STXBP5L: variants seen among roughly 807,000 people sequenced by gnomAD.
STXBP5L encodes syntaxin-binding protein 5-like.
A neutral mutation model predicts 144.5 loss-of-function variants in STXBP5L; 65 were observed. The observed-to-expected ratio is 0.45, with a 90% CI of 0.37 to 0.55. STXBP5L has a LOEUF of 0.55. Among genes scored for constraint, STXBP5L ranks in the 20% least tolerant of loss-of-function variants. The probability of loss-of-function intolerance (pLI) is 0.00; values close to 1 mark genes in which losing one functional copy is unlikely to be tolerated. For synonymous variants in STXBP5L, 505 were observed against 469.6 expected (o/e 1.08, Z -0.97); for missense variants, 1,298 against 1,405.5 (o/e 0.92, Z 1.22).
At chr3:121,190,876 C>T (rs1207354779) in intron 9 of STXBP5L, among the ~76,000 whole-genome samples, 68 of 151,012 alleles carry the variant, frequency 4.5e-4, no homozygotes, top group Middle Eastern at 3.3e-3. Context: ...GGCGGCGGGG[C>T]AGAGACACTC....
chr3:120,970,254 A>C (rs566290760), intron 3 of STXBP5L, among the ~76,000 whole-genome samples: 1 of 152,120 alleles, frequency 6.6e-6, no homozygotes, highest in Admixed American at 6.5e-5. Flanking sequence ...GAATATTCTG[A>C]ATTAGTCTTT....
intron 20 of STXBP5L, among the ~76,000 whole-genome samples, chr3:121,323,786 T>C (rs2044055369): frequency 6.6e-6 from 1 of 152,182 alleles, no homozygotes; most frequent in Non-Finnish European, 1.5e-5. Flanking sequence ...CTGTACAGCT[T>C]GACCTCCCAA....
chr3:121,004,248 C>G (rs1944058906), intron 3 of STXBP5L, among the ~76,000 whole-genome samples: 1 of 151,662 alleles, frequency 6.6e-6, no homozygotes. Context: ...TGTAGCTCTC[C>G]TTGAAGAGGT....
At chr3:121,047,886 A>G (rs1413847893) in intron 5 of STXBP5L, among the ~76,000 whole-genome samples, 1 of 152,100 alleles carries the variant, frequency 6.6e-6, no homozygotes, top group Non-Finnish European at 1.5e-5. Context: ...TGATCCTTTC[A>G]TCATGTTTCT....
chr3:120,951,850 G>A (rs1399904233), intron 2 of STXBP5L, among the ~76,000 whole-genome samples: 1 of 152,056 alleles, frequency 6.6e-6, no homozygotes, highest in Non-Finnish European at 1.5e-5. Context: ...AAAGACACAT[G>A]CACACGTATG....
chr3:121,098,997 T>G (rs1016448763), intron 5 of STXBP5L: 1 of 152,054 alleles, frequency 6.6e-6, no homozygotes, highest in Admixed American at 6.6e-5. Flanking sequence ...CCTGTATATA[T>G]AGAGAGAGAT....
intron 9 of STXBP5L, among the ~76,000 whole-genome samples, chr3:121,161,848 C>A (rs961332532): frequency 2.6e-5 from 4 of 152,018 alleles, no homozygotes; most frequent in African/African-American, 9.7e-5. Context: ...AGAAGCAGGA[C>A]AGGGGTGTCC....
intron 5 of STXBP5L, among the ~76,000 whole-genome samples, chr3:121,073,225 G>A (rs2041880516): frequency 6.6e-6 from 1 of 152,178 alleles, no homozygotes; most frequent in African/African-American, 2.4e-5. Context: ...GGCTTTCCGT[G>A]CTCCACCCAT....
At chr3:121,366,683 T>G (rs987119950) in intron 20 of STXBP5L, among the ~76,000 whole-genome samples, 1 of 152,110 alleles carries the variant, frequency 6.6e-6, no homozygotes, top group Non-Finnish European at 1.5e-5. Context: ...ACTATGTGTT[T>G]TTATCCTTTC....
chr3:121,393,611 T>C (rs1212852249), intron 22 of STXBP5L, among the ~76,000 whole-genome samples: 1 of 152,224 alleles, frequency 6.6e-6, no homozygotes. Context: ...TTTTTGTATA[T>C]GTTGAGAGAT....
chr3:121,153,882 C>T (rs2046022645), intron 8 of STXBP5L, among the ~76,000 whole-genome samples: 1 of 151,848 alleles, frequency 6.6e-6, no homozygotes, highest in Non-Finnish European at 1.5e-5. Context: ...CTAGGAGTTT[C>T]CTTTTGTTAT....
intron 20 of STXBP5L, among the ~76,000 whole-genome samples, chr3:121,348,934 G>C (rs980228080): frequency 1.3e-5 from 2 of 151,928 alleles, no homozygotes; most frequent in Non-Finnish European, 2.9e-5. Flanking sequence ...ATTTTTTGAA[G>C]GGTTTTTTGT....
intron 19 of STXBP5L, among the ~76,000 whole-genome samples, chr3:121,297,919 G>T (rs546816743): frequency 3.9e-4 from 60 of 152,320 alleles, no homozygotes; most frequent in African/African-American, 1.2e-3. Context: ...AGCTGTTAAT[G>T]AATAATGCTG....
intron 17 of STXBP5L, among the ~76,000 whole-genome samples, chr3:121,258,123 C>T (rs2050267739): frequency 6.6e-6 from 1 of 151,994 alleles, no homozygotes; most frequent in African/African-American, 2.4e-5. Context: ...CAAAGATTTG[C>T]ATCATGTTCA....
intron 10 of STXBP5L, among the ~76,000 whole-genome samples, chr3:121,211,353 T>C (rs970485214): frequency 1.3e-5 from 2 of 152,172 alleles, no homozygotes; most frequent in African/African-American, 4.8e-5. Context: ...TTTCTAAATA[T>C]ACAATCATGT....
At chr3:121,154,943 T>C (rs2046061836) in intron 8 of STXBP5L, among the ~76,000 whole-genome samples, 2 of 151,898 alleles carry the variant, frequency 1.3e-5, no homozygotes, top group South Asian at 4.1e-4. Context: ...TATTGTCTCA[T>C]TTATTTCCTC....
At chr3:121,295,353 G>C (rs1383841461) in intron 19 of STXBP5L, among the ~76,000 whole-genome samples, 1 of 152,014 alleles carries the variant, frequency 6.6e-6, no homozygotes, top group Non-Finnish European at 1.5e-5. Context: ...ACATTGAAAA[G>C]TACATTGTTT....
chr3:121,076,321 C>T (rs536296439), intron 5 of STXBP5L, among the ~76,000 whole-genome samples: 1 of 152,190 alleles, frequency 6.6e-6, no homozygotes, highest in African/African-American at 2.4e-5. Context: ...CCTGTCTAAG[C>T]CTTGTCAGGG....
At chr3:120,917,974 G>A (rs957582783) in intron 2 of STXBP5L, among the ~76,000 whole-genome samples, 7 of 152,164 alleles carry the variant, frequency 4.6e-5, no homozygotes, top group Admixed American at 4.6e-4. Context: ...ATGTCACTGG[G>A]CTAAAATTAA....
Sources: gnomAD v4.1 joint callset for allele counts (sites outside exome capture counted in the v4.1 genomes callset) on GRCh38, gnomAD v4.1.1 for gene constraint, MANE v1.5 for transcripts, NCBI Gene and HGNC (gene_info 2026-07-23, HGNC 2026-07-21) for gene names.